The following UPK1B variants were observed in gnomAD, a reference collection of about 807,000 sequenced individuals.
UPK1B encodes uroplakin-1b.
Under a neutral mutation model 34.2 loss-of-function variants are expected in UPK1B, and 28 were observed. The observed-to-expected ratio is 0.82, with a 90% CI of 0.61 to 1.12. UPK1B has a LOEUF of 1.12. Among genes scored for constraint, UPK1B ranks in the 50% most tolerant of loss-of-function variants. UPK1B has a pLI of 0.00. For missense variants in UPK1B, 325 were observed against 320.9 expected, an observed-to-expected ratio of 1.01 and a Z score of -0.10; for synonymous variants, 81 against 110.4, an observed-to-expected ratio of 0.73 and a Z score of 1.67.
At chr3:119,177,385 G>T (rs777451338) in intron 1 of UPK1B, among the ~76,000 whole-genome samples, 1 of 152,138 alleles carries the variant, frequency 6.6e-6, no homozygotes, top group African/African-American at 2.4e-5. Flanking sequence ...CCCATAGAAG[G>T]CTGGGTTAAG....
chr3:119,181,535 A>G (rs147597462), intron 1 of UPK1B, among the ~76,000 whole-genome samples: 41 of 152,330 alleles, frequency 2.7e-4, no homozygotes, highest in Non-Finnish European at 4.9e-4. Flanking sequence ...AGATTAAGTA[A>G]CTTCTTGGGG....
Position 119,187,771 on chromosome 3 carries a change from CCA to C in UPK1B, c.70-3_70-2del, listed in dbSNP as rs778892042. 2.5e-5 allele frequency: 41 copies of C among 1,613,686 alleles called. No homozygotes were observed. The highest frequency in any genetic ancestry group is 3.1e-5 in the Non-Finnish European group (37 of 1,179,958). ...GATGGAGCCCACCTTTCATTTGCCC[CCA>C]GTGTTGCGGCATTGCCCTGACTGCG... On this transcript the variant is annotated splice_acceptor_variant and splice_polypyrimidine_tract_variant and intron_variant, in intron 2 of 7. Coordinates refer to ENST00000264234, the MANE Select transcript of UPK1B (RefSeq NM_006952.4). LOFTEE classifies it high-confidence loss of function.
intron 7 of UPK1B, among the ~76,000 whole-genome samples, chr3:119,202,551 A>C (rs532524025): frequency 1.1e-3 from 170 of 152,308 alleles, no homozygotes; most frequent in African/African-American, 3.9e-3. Context: ...TAGAGATGTT[A>C]TATTTATTTT....
rs1450457084 is a variant in UPK1B, at chr3:119,179,396, TATTA to T, written c.-29+5762_-29+5765del. ...ATATATATATATATATATATATATA[TATTA>T]ATTCTAAGGAATTAACCTATGTGAT... On this transcript the variant is annotated intron_variant, in intron 1 of 7. Coordinates refer to ENST00000264234, the MANE Select transcript of UPK1B (RefSeq NM_006952.4). Among the ~76,000 whole-genome samples, 196 of 64,246 alleles carry T rather than the reference TATTA, an allele frequency of 3.1e-3. 2 individuals carry two copies. The highest frequency in any genetic ancestry group is 5.4e-3 in the Non-Finnish European group (163 of 30,442). 42.1% of individuals were successfully genotyped at this position (64,246 alleles called of 152,430 possible). A position where few individuals can be genotyped will look rare whatever the true frequency, so the allele number is the denominator to read the frequency against.
intron 1 of UPK1B, among the ~76,000 whole-genome samples, chr3:119,174,848 G>A (rs1407367359): frequency 6.9e-6 from 1 of 144,752 alleles, no homozygotes; most frequent in Non-Finnish European, 1.5e-5. Flanking sequence ...CCAACAGATT[G>A]TTTTGCTTTC....
intron 7 of UPK1B, among the ~76,000 whole-genome samples, chr3:119,203,243 AG>A (rs1293957433): frequency 6.8e-6 from 1 of 146,902 alleles, no homozygotes; most frequent in Non-Finnish European, 1.5e-5. Flanking sequence ...CAGGAGGCTG[AG>A]GCAGGAGAAT....
At chr3:119,184,820 G>A (rs2078009567) in intron 1 of UPK1B, among the ~76,000 whole-genome samples, 1 of 152,120 alleles carries the variant, frequency 6.6e-6, no homozygotes, top group South Asian at 2.1e-4. Context: ...TATCGGTGCT[G>A]AATTTGGCCT....
chr3:119,203,387 C>T (rs1187996619), intron 7 of UPK1B, among the ~76,000 whole-genome samples: 1 of 127,426 alleles, frequency 7.8e-6, no homozygotes, highest in Non-Finnish European at 1.7e-5. Flanking sequence ...CTAACAAAGA[C>T]ATGGAACCAA....
chr3:119,179,390 TATATATATTA>T (rs1158561731), intron 1 of UPK1B, among the ~76,000 whole-genome samples: 23 of 93,132 alleles, frequency 2.5e-4, no homozygotes, highest in African/African-American at 1.0e-3. Context: ...TATATATATA[TATATATATTA>T]ATTCTAAGGA....
chr3:119,191,561 C>T (rs565800028), intron 5 of UPK1B, among the ~76,000 whole-genome samples: 53 of 152,302 alleles, frequency 3.5e-4, no homozygotes, highest in Admixed American at 7.2e-4. Flanking sequence ...TTATCCTCTA[C>T]ATAACTACCA....
At chr3:119,174,251 G>C (rs116431516) in intron 1 of UPK1B, among the ~76,000 whole-genome samples, 1 of 152,086 alleles carries the variant, frequency 6.6e-6, no homozygotes, top group Non-Finnish European at 1.5e-5. Context: ...CTTTATCTAC[G>C]CAATGTTATT....
intron 6 of UPK1B, among the ~76,000 whole-genome samples, chr3:119,196,349 C>T (rs2078067386): frequency 1.3e-5 from 2 of 151,974 alleles, no homozygotes; most frequent in Admixed American, 1.3e-4. Context: ...TCTATTATTG[C>T]ATTCACTACC....
chr3:119,178,744 T>C (rs2077971168), intron 1 of UPK1B, among the ~76,000 whole-genome samples: 1 of 152,178 alleles, frequency 6.6e-6, no homozygotes, highest in Non-Finnish European at 1.5e-5. Flanking sequence ...ATGACTGGAA[T>C]CATTCAATAT....
intron 1 of UPK1B, among the ~76,000 whole-genome samples, chr3:119,180,987 A>T (rs1216829539): frequency 6.6e-6 from 1 of 152,230 alleles, no homozygotes; most frequent in Non-Finnish European, 1.5e-5. Flanking sequence ...TCTTTGACAC[A>T]GACTTTGTAA....
At chr3:119,176,127 C>T (rs1576864532) in intron 1 of UPK1B, 1 of 152,194 alleles carries the variant, frequency 6.6e-6, no homozygotes, top group African/African-American at 2.4e-5. Flanking sequence ...CTAAGGCAAT[C>T]GCATATTGTG....
chr3:119,178,009 G>C (rs1040840683), intron 1 of UPK1B, among the ~76,000 whole-genome samples: 1 of 149,712 alleles, frequency 6.7e-6, no homozygotes, highest in Non-Finnish European at 1.5e-5. Flanking sequence ...AGTTCGATAG[G>C]CAGAAATGGG....
chr3:119,179,504 A>C lies in UPK1B; in HGVS notation c.-29+5866A>C, dbSNP rs1576865816. On this transcript the variant is annotated intron_variant, in intron 1 of 7. Transcript: ENST00000264234. Reference sequence around the variant, plus strand: ...AAATTTGGGGAAGAGTTGATGTTGCAGTCTTTTTTTTTTTTTTTTTTTTGA... The same window carrying C: ...AAATTTGGGGAAGAGTTGATGTTGCCGTCTTTTTTTTTTTTTTTTTTTTGA... 3.9e-5 allele frequency among the ~76,000 whole-genome samples: 2 copies of C among 50,928 alleles called. 1 individual carries two copies. Among genetic ancestry groups the C allele is most frequent in the Non-Finnish European group, 8.9e-5 (2 of 22,474 alleles). 33.4% of individuals were successfully genotyped at this position (50,928 alleles called of 152,430 possible).
chr3:119,203,799 C>A, intron 7 of UPK1B, 118 bp from the exon 8 acceptor site: 1 of 1,063,284 alleles, frequency 9.4e-7, no homozygotes, highest in Non-Finnish European at 1.4e-6. Context: ...TAAAAACAAA[C>A]AAACAAAAAA....
chr3:119,176,671 G>A (rs554211406), intron 1 of UPK1B, among the ~76,000 whole-genome samples: 1 of 152,232 alleles, frequency 6.6e-6, no homozygotes, highest in South Asian at 2.1e-4. Flanking sequence ...CATCTCTAAC[G>A]CGGGCAGTTG....
Sources: gnomAD v4.1 joint callset for allele counts (sites outside exome capture counted in the v4.1 genomes callset) on GRCh38, gnomAD v4.1.1 for gene constraint, MANE v1.5 for transcripts, NCBI Gene and HGNC (gene_info 2026-07-23, HGNC 2026-07-21) for gene names.